RELN: variants seen among roughly 807,000 people sequenced by gnomAD.
The protein encoded by RELN is reelin.
Under a neutral mutation model 427.6 loss-of-function variants are expected in RELN, and 108 were observed. The ratio of observed to expected loss-of-function variants is 0.25; its 90% CI spans 0.22 to 0.30. The LOEUF is 0.30. Among genes scored for constraint, RELN ranks in the 10% least tolerant of loss-of-function variants. The pLI is 1.00. For missense variants in RELN, 3,715 were observed against 4,302.8 expected (o/e 0.86, Z 3.82); for synonymous variants, 1,524 against 1,513.4 (o/e 1.01, Z -0.16).
intron 37 of RELN, among the ~76,000 whole-genome samples, chr7:103,557,599 C>CT (rs1309203746): frequency 2.0e-5 from 3 of 151,972 alleles, no homozygotes; most frequent in Non-Finnish European, 4.4e-5. Flanking sequence ...TAAGAATAGG[C>CT]TTTTTTTGGA....
intron 8 of RELN, among the ~76,000 whole-genome samples, chr7:103,715,222 G>C (rs1011824455): frequency 1.3e-5 from 2 of 151,978 alleles, no homozygotes; most frequent in Non-Finnish European, 2.9e-5. Flanking sequence ...ACTAAAAATG[G>C]ATATTAAGGA....
At chr7:103,533,815 G>A (rs2237625) in intron 46 of RELN, among the ~76,000 whole-genome samples, 42,682 of 152,070 alleles carry the variant, frequency 0.28, 7,518 homozygotes, top group African/African-American at 0.48. Context: ...ATCTTAGAAT[G>A]TCGCTTATTT....
chr7:103,574,182 C>T lies in RELN; in HGVS notation c.4421G>A (p.Cys1474Tyr). ...AGATTTGCCATCGTTAAGTGTTCCA[C>T]AGCCAGTTCCAACCTGGGCACCTGT... The part of the protein sequence containing the change: ...KITGAQVGTG[C>Y]GTLNDGKSLY... The change falls in exon 30 of 65, where the codon TGT becomes TAT. Residue 1474 changes from cysteine (C) to tyrosine (Y), a missense_variant. Around this residue, in one of 4 missense-constraint regions of RELN, gnomAD observed 2,208 missense variants for 2,361.7 expected, o/e 0.93. Coordinates refer to ENST00000428762, the MANE Select transcript of RELN (RefSeq NM_005045.4). 6.2e-7 allele frequency: 1 copy of T among 1,614,190 alleles called. No individual in the cohort carries two copies. The highest frequency in any genetic ancestry group is 8.5e-7 in the Non-Finnish European group (1 of 1,180,028).
Position 103,592,852 on chromosome 7 carries a change from A to G in RELN, c.3912+830T>C, listed in dbSNP as rs116245887. ...TATAGATTCATATATTGTTATTGAT[A>G]TTTTTCCATTGTAGTTTAGCATCAG... On this transcript the variant is annotated intron_variant, in intron 27 of 64. Coordinates refer to ENST00000428762, the MANE Select transcript of RELN (RefSeq NM_005045.4). Among the ~76,000 whole-genome samples, 1,050 of 152,198 alleles carry G rather than the reference A, an allele frequency of 6.9e-3. 18 individuals carry two copies. The highest frequency in any genetic ancestry group is 0.024 in the African/African-American group (984 of 41,536).
intron 6 of RELN, among the ~76,000 whole-genome samples, chr7:103,733,244 C>T (rs1037793237): frequency 6.6e-6 from 1 of 151,464 alleles, no homozygotes; most frequent in African/African-American, 2.4e-5. Flanking sequence ...AATGAGATAC[C>T]ATCTCACACC....
chr7:103,608,209 T>A (rs1831864612), intron 22 of RELN, among the ~76,000 whole-genome samples: 1 of 152,176 alleles, frequency 6.6e-6, no homozygotes, highest in African/African-American at 2.4e-5. Context: ...TCAAAATAAA[T>A]AAAGTTATCA....
At chr7:103,814,693 G>T (rs1470523751) in intron 3 of RELN, among the ~76,000 whole-genome samples, 1 of 152,026 alleles carries the variant, frequency 6.6e-6, no homozygotes, top group Non-Finnish European at 1.5e-5. Context: ...ATGGAGTGAA[G>T]GTTCATCACA....
chr7:103,821,137 C>A (rs892577916), intron 3 of RELN, among the ~76,000 whole-genome samples: 1 of 152,146 alleles, frequency 6.6e-6, no homozygotes, highest in Non-Finnish European at 1.5e-5. Flanking sequence ...AAAAACCTAT[C>A]ACTATAGACT....
chr7:103,844,394 A>C (rs1584290013), intron 2 of RELN, among the ~76,000 whole-genome samples: 1 of 152,184 alleles, frequency 6.6e-6, no homozygotes, highest in Non-Finnish European at 1.5e-5. Context: ...CTAATGCTCA[A>C]AAAAGAGAGA....
At chr7:103,597,024 T>C (rs1184599550) in intron 24 of RELN, among the ~76,000 whole-genome samples, 1 of 152,362 alleles carries the variant, frequency 6.6e-6, no homozygotes, top group African/African-American at 2.4e-5. Flanking sequence ...GACCATCTAT[T>C]TGAAATCTGT....
At chr7:103,635,752 A>T (rs553458187) in intron 18 of RELN, among the ~76,000 whole-genome samples, 166 bp from the exon 19 acceptor site, 77 of 152,084 alleles carry the variant, frequency 5.1e-4, no homozygotes, top group Non-Finnish European at 9.3e-4. Context: ...ATTTATGTAC[A>T]TGTTGATATA....
intron 2 of RELN, among the ~76,000 whole-genome samples, chr7:103,882,522 A>C (rs1461586141): frequency 6.6e-6 from 1 of 152,028 alleles, no homozygotes; most frequent in East Asian, 1.9e-4. Context: ...GGTTTTTTTG[A>C]AAATCTTATC....
At chr7:103,727,190 T>A (rs1790233321) in intron 7 of RELN, among the ~76,000 whole-genome samples, 1 of 152,100 alleles carries the variant, frequency 6.6e-6, no homozygotes, top group African/African-American at 2.4e-5. Flanking sequence ...ACTTTTAAAG[T>A]TAATGATTTT....
Position 103,824,350 on chromosome 7 carries a change from G to T in RELN, c.473+9187C>A, listed in dbSNP as rs368885962. Among the ~76,000 whole-genome samples, 15 of 152,078 alleles carry T rather than the reference G, an allele frequency of 9.9e-5. No homozygotes were observed. The highest frequency in any genetic ancestry group is 1.8e-4 in the Non-Finnish European group (12 of 67,978). On this transcript the variant is annotated intron_variant, in intron 3 of 64. Coordinates refer to ENST00000428762, the MANE Select transcript of RELN (RefSeq NM_005045.4). The surrounding 1 kb of genome is among the most constrained non-coding windows in gnomAD (Gnocchi z 4.4). ...TACAAGTAACTTATCTTGACCAAAG[G>T]CTCCACTCAGATGACAAATTTCTTT...
intron 6 of RELN, among the ~76,000 whole-genome samples, chr7:103,731,114 T>C (rs984509726): frequency 6.6e-6 from 1 of 152,110 alleles, no homozygotes; most frequent in African/African-American, 2.4e-5. Flanking sequence ...CTATCATTGC[T>C]CTTCACTCAT....
chr7:103,591,622 A>G (rs535705509), intron 27 of RELN, among the ~76,000 whole-genome samples: 2 of 152,292 alleles, frequency 1.3e-5, no homozygotes, highest in East Asian at 3.9e-4. Context: ...GCATTATTCA[A>G]TAGTAACAGT....
intron 1 of RELN, among the ~76,000 whole-genome samples, chr7:103,971,394 T>C (rs1796762620): frequency 6.6e-6 from 1 of 151,712 alleles, no homozygotes; most frequent in Admixed American, 6.6e-5. Context: ...CAAATCAATA[T>C]GAAAAAGAGA....
chr7:103,764,335 C>G (rs1057268685), intron 4 of RELN, among the ~76,000 whole-genome samples: 2 of 152,104 alleles, frequency 1.3e-5, no homozygotes, highest in African/African-American at 4.8e-5. Flanking sequence ...TATCCCTTTC[C>G]CTATTTTACA....
chr7:103,491,848 T>TCACACA (rs1216428915), intron 58 of RELN, 105 bp downstream of exon 58: 81 of 581,770 alleles, frequency 1.4e-4, no homozygotes, highest in South Asian at 3.1e-4. Context: ...TCTCTCTCTC[T>TCACACA]CTCTCTCTCA....
Sources: allele counts gnomAD v4.1 joint callset (sites outside exome capture counted in the v4.1 genomes callset), GRCh38; gene constraint gnomAD v4.1.1; regional missense constraint gnomAD v4.1.1; non-coding constraint Gnocchi (gnomAD v3.1); transcripts MANE v1.5; gene names NCBI Gene and HGNC (gene_info 2026-07-23, HGNC 2026-07-21).